KCNIP4: variants seen among roughly 807,000 people sequenced by gnomAD.
KCNIP4 encodes Kv channel-interacting protein 4.
Under a neutral mutation model 34.0 loss-of-function variants are expected in KCNIP4, and 12 were observed. The observed-to-expected ratio is 0.35, with a 90% CI of 0.23 to 0.57. The LOEUF (loss-of-function observed/expected upper bound fraction) is 0.57, where lower values mean the gene tolerates loss of function less well. Ranked by LOEUF, KCNIP4 falls within the 20% of genes least tolerant of loss-of-function variation. The probability of loss-of-function intolerance (pLI) is 0.83; values close to 1 mark genes in which losing one functional copy is unlikely to be tolerated. For missense variants in KCNIP4, 238 were observed against 311.7 expected (o/e 0.76, Z 1.78); for synonymous variants, 124 against 102.2 (o/e 1.21, Z -1.29).
chr4:20,888,700 G>T (rs1457360001), intron 1 of KCNIP4, among the ~76,000 whole-genome samples: 1 of 152,040 alleles, frequency 6.6e-6, no homozygotes, highest in Non-Finnish European at 1.5e-5. Context: ...AAATTAATTG[G>T]CTACATAAAC....
At chr4:21,226,583 A>G (rs1758425190) in intron 1 of KCNIP4, among the ~76,000 whole-genome samples, 1 of 145,612 alleles carries the variant, frequency 6.9e-6, no homozygotes. Context: ...CCTATTTGCT[A>G]CTAGTTTTTT....
chr4:21,129,958 A>G (rs1175337138), intron 1 of KCNIP4, among the ~76,000 whole-genome samples: 2 of 152,102 alleles, frequency 1.3e-5, no homozygotes, highest in Non-Finnish European at 2.9e-5. Context: ...CTTACATACC[A>G]TCCTCCTACC....
intron 1 of KCNIP4, among the ~76,000 whole-genome samples, chr4:21,651,169 A>T (rs1747453531): frequency 6.6e-6 from 1 of 152,190 alleles, no homozygotes; most frequent in Admixed American, 6.5e-5. Flanking sequence ...CATCACAAGC[A>T]CAGGTCTTTC....
chr4:21,245,098 T>A (rs7684447), intron 1 of KCNIP4, among the ~76,000 whole-genome samples: 14,073 of 152,128 alleles, frequency 0.093, 2,093 homozygotes, highest in African/African-American at 0.31. Context: ...CTCAGCTTCA[T>A]GACTTATCAG....
At chr4:21,103,375 A>C (rs1213489810) in intron 1 of KCNIP4, among the ~76,000 whole-genome samples, 2 of 147,044 alleles carry the variant, frequency 1.4e-5, no homozygotes, top group African/African-American at 2.5e-5. Flanking sequence ...TATAAGATAT[A>C]TATATTTTAT....
chr4:21,539,785 C>A (rs1737520361), intron 1 of KCNIP4, among the ~76,000 whole-genome samples: 1 of 152,018 alleles, frequency 6.6e-6, no homozygotes, highest in South Asian at 2.1e-4. Context: ...ATAAGACCAG[C>A]CTGGCCAACA....
intron 1 of KCNIP4, among the ~76,000 whole-genome samples, chr4:20,993,304 A>T (rs1245254102): frequency 2.6e-5 from 4 of 152,214 alleles, no homozygotes; most frequent in African/African-American, 4.8e-5. Flanking sequence ...TAGTGAGAAG[A>T]TCAGGAAAAT....
At chr4:21,841,150 C>T (rs1723653529) in intron 1 of KCNIP4, among the ~76,000 whole-genome samples, 1 of 152,080 alleles carries the variant, frequency 6.6e-6, no homozygotes, top group Non-Finnish European at 1.5e-5. Flanking sequence ...TTAGGAAGAA[C>T]TCTGAGGCAT....
At chr4:20,862,323 G>A (rs1722290921) in intron 2 of KCNIP4, among the ~76,000 whole-genome samples, 1 of 151,984 alleles carries the variant, frequency 6.6e-6, no homozygotes, top group Non-Finnish European at 1.5e-5. Flanking sequence ...GGTCTTAATT[G>A]ATTTTTGGTA....
intron 1 of KCNIP4, among the ~76,000 whole-genome samples, chr4:21,024,227 C>A (rs147627684): frequency 3.3e-5 from 5 of 152,038 alleles, no homozygotes; most frequent in African/African-American, 9.7e-5. Flanking sequence ...TTTTCCCTTG[C>A]GACGTCATTA....
At chr4:21,252,671 G>A (rs570198307) in intron 1 of KCNIP4, among the ~76,000 whole-genome samples, 5 of 151,444 alleles carry the variant, frequency 3.3e-5, no homozygotes, top group African/African-American at 1.2e-4. Context: ...CAATAATGAT[G>A]TCATCATGAC....
At chr4:21,662,244 A>T (rs939576949) in intron 1 of KCNIP4, among the ~76,000 whole-genome samples, 1 of 152,196 alleles carries the variant, frequency 6.6e-6, no homozygotes, top group Non-Finnish European at 1.5e-5. Flanking sequence ...GACATTTGTT[A>T]TATTTTTCTT....
At chr4:21,408,977 C>T (rs912786604) in intron 1 of KCNIP4, among the ~76,000 whole-genome samples, 1 of 152,094 alleles carries the variant, frequency 6.6e-6, no homozygotes, top group East Asian at 1.9e-4. Context: ...CCCCATATTG[C>T]TATTGGGCAC....
At position 21,359,207 on chromosome 4, in the gene KCNIP4, C is replaced by T. The variant is rs1718968655; in HGVS notation, c.62-476498G>A. Reference sequence around the variant, plus strand: ...AACAAAAGGTAAAGAAATACATCTCCTTTTATTTTCTACTTCACTGCTTGA... The same window carrying T: ...AACAAAAGGTAAAGAAATACATCTCTTTTTATTTTCTACTTCACTGCTTGA... On this transcript the variant is annotated intron_variant, in intron 1 of 8. Transcript: ENST00000382152. Among the ~76,000 whole-genome samples, 10 of 152,124 alleles carry T rather than the reference C, an allele frequency of 6.6e-5. No homozygotes were observed. In the South Asian group the frequency reaches 1.9e-3, roughly 28 times the overall value.
intron 1 of KCNIP4, among the ~76,000 whole-genome samples, chr4:21,503,240 C>T (rs1733510483): frequency 6.6e-6 from 1 of 152,100 alleles, no homozygotes; most frequent in South Asian, 2.1e-4. Context: ...ATTTTCTTGC[C>T]TTAGCCACTC....
At chr4:21,385,753 G>T (rs1721969419) in intron 1 of KCNIP4, among the ~76,000 whole-genome samples, 2 of 152,080 alleles carry the variant, frequency 1.3e-5, no homozygotes, top group Non-Finnish European at 2.9e-5. Context: ...GATTAGATGG[G>T]GCAGGTGCTG....
chr4:21,847,783 A>T (rs1237447447), intron 1 of KCNIP4: 1 of 151,986 alleles, frequency 6.6e-6, no homozygotes, highest in African/African-American at 2.4e-5. Flanking sequence ...TTCTGACACT[A>T]CATTTACTCA....
intron 1 of KCNIP4, among the ~76,000 whole-genome samples, chr4:21,128,663 C>T (rs769551893): frequency 6.6e-6 from 1 of 152,134 alleles, no homozygotes; most frequent in Non-Finnish European, 1.5e-5. Context: ...GAATACAGAG[C>T]TATTTGTACT....
In KCNIP4 at chr4:20,949,295, A is replaced by C. The variant is rs1038564784; in HGVS notation, c.62-66586T>G. Among the ~76,000 whole-genome samples, 5 of 152,382 alleles carry C rather than the reference A, an allele frequency of 3.3e-5. No homozygotes were observed. In the South Asian group the frequency reaches 1.0e-3, roughly 32 times the overall value. On this transcript the variant is annotated intron_variant, in intron 1 of 8. Transcript: ENST00000382152. ...TTATGCTTGTGCTAGTTTAAAAAATAGTACCAGTACCCCTACATATTACTC... is the reference window on the plus strand; with the variant it reads ...TTATGCTTGTGCTAGTTTAAAAAATCGTACCAGTACCCCTACATATTACTC...
Sources: allele counts gnomAD v4.1 joint callset (sites outside exome capture counted in the v4.1 genomes callset), GRCh38; gene constraint gnomAD v4.1.1; transcripts MANE v1.5; gene names NCBI Gene and HGNC (gene_info 2026-07-23, HGNC 2026-07-21).